Variants in PTPRN2 observed in about 807,000 individuals in gnomAD.
PTPRN2 encodes protein tyrosine phosphatase receptor type N2.
Under a neutral mutation model 118.8 loss-of-function variants are expected in PTPRN2, and 74 were observed. The ratio of observed to expected loss-of-function variants is 0.62; its 90% CI spans 0.52 to 0.76. PTPRN2 has a LOEUF of 0.76. Among genes scored for constraint, PTPRN2 ranks in the 30% least tolerant of loss-of-function variants. The pLI is 0.00. For synonymous variants in PTPRN2, 641 were observed against 608.0 expected, an observed-to-expected ratio of 1.05 and a Z score of -0.80; for missense variants, 1,481 against 1,394.4, an observed-to-expected ratio of 1.06 and a Z score of -0.99.
At chr7:158,151,079 CCCTG>C (rs138985251) in intron 6 of PTPRN2, among the ~76,000 whole-genome samples, 27,608 of 52,042 alleles carry the variant, frequency 0.53, 9,369 homozygotes, top group East Asian at 0.71. Context: ...CCACTCTTGC[CCCTG>C]CCTGCCCAAA....
intron 11 of PTPRN2, among the ~76,000 whole-genome samples, chr7:157,930,148 G>A (rs868021516): frequency 6.6e-6 from 1 of 152,160 alleles, no homozygotes; most frequent in South Asian, 2.1e-4. Context: ...GAGATAGCAC[G>A]AGGCCCACAG....
At chr7:157,876,365 C>T (rs971684360) in intron 12 of PTPRN2, among the ~76,000 whole-genome samples, 11 of 152,304 alleles carry the variant, frequency 7.2e-5, no homozygotes, top group Middle Eastern at 3.4e-3. Context: ...TAACCAGCAG[C>T]GGCCCCAGGA....
intron 17 of PTPRN2, among the ~76,000 whole-genome samples, chr7:157,578,870 G>C (rs1800199215): frequency 6.6e-6 from 1 of 152,170 alleles, no homozygotes; most frequent in Non-Finnish European, 1.5e-5. Context: ...AATCCTGTGG[G>C]GCACACTGAT....
chr7:158,262,485 ACACACATACATGCACACACACTG>A lies in PTPRN2; in HGVS notation c.277+54311_277+54333del, dbSNP rs1389785432. 3.8e-5 allele frequency among the ~76,000 whole-genome samples: 5 copies of A among 131,270 alleles called. No individual in the cohort carries two copies. The South Asian group carries it at 1.1e-3, about 29-fold the overall frequency. 86.1% of individuals were successfully genotyped at this position (131,270 alleles called of 152,430 possible). A position where few individuals can be genotyped will look rare whatever the true frequency, so the allele number is the denominator to read the frequency against. Reference sequence around the variant, plus strand: ...CACACACTGCAAACATTCACGCTGCACACACATACATGCACACACACTGCACACACATTCACACACTGCACACA... The same window carrying A: ...CACACACTGCAAACATTCACGCTGCACACACACATTCACACACTGCACACA... On this transcript the variant is annotated intron_variant, in intron 3 of 22. Coordinates refer to ENST00000389418, the MANE Select transcript of PTPRN2 (RefSeq NM_002847.5).
Position 157,571,457 on chromosome 7 carries a change from T to C in PTPRN2, c.2820A>G (p.Pro940=), listed in dbSNP as rs755222653. ...GTACTTGCCTGCAATGAACAATTAT[T>C]GGACAAGAACGGCCCCTGTAGCACT... is the stretch of plus-strand genomic sequence containing the variant. ...VNKCYRGRSC[P]IIVHCSDGAG... Residue 940 remains proline, a synonymous_variant, in exon 20 of 23, where the codon CCA becomes CCG. Transcript: ENST00000389418. 3.1e-6 allele frequency: 5 copies of C among 1,610,164 alleles called. No homozygotes were observed. In the East Asian group the frequency reaches 6.7e-5, roughly 22 times the overall value.
chr7:158,338,597 G>C (rs1586363891), intron 2 of PTPRN2, among the ~76,000 whole-genome samples: 1 of 103,742 alleles, frequency 9.6e-6, no homozygotes, highest in Non-Finnish European at 1.9e-5. Context: ...CTCACCATAA[G>C]AGCTGAGGCC....
At chr7:157,701,968 C>T (rs976096500) in intron 12 of PTPRN2, among the ~76,000 whole-genome samples, 3 of 138,470 alleles carry the variant, frequency 2.2e-5, no homozygotes, top group South Asian at 2.4e-4. Context: ...GTAACTGACG[C>T]GGGCTGTGGG....
chr7:157,937,556 C>T (rs1169301493), intron 11 of PTPRN2, among the ~76,000 whole-genome samples: 1 of 152,194 alleles, frequency 6.6e-6, no homozygotes, highest in East Asian at 1.9e-4. Context: ...CTCACAATAG[C>T]GCTCCCGAGT....
chr7:158,015,091 G>A lies in PTPRN2; in HGVS notation c.1723+66207C>T, dbSNP rs2128871689. ...CTTGCAAATCCCTCAGATAAAAGTG[G>A]GTTGCTGAAATGAGAGGCTCAGATA... On this transcript the variant is annotated intron_variant, in intron 11 of 22. Transcript: ENST00000389418. This position sits in a 1 kb window ranked among gnomAD's most constrained non-coding sequence, Gnocchi z 4.2. Among the ~76,000 whole-genome samples the A allele has an allele frequency of 6.6e-6, 1 of 152,234 alleles. No individual in the cohort carries two copies. Among genetic ancestry groups the A allele is most frequent in the South Asian group, 2.1e-4 (1 of 4,814 alleles).
chr7:157,736,745 G>A (rs980618714), intron 12 of PTPRN2, among the ~76,000 whole-genome samples: 2 of 152,178 alleles, frequency 1.3e-5, no homozygotes, highest in African/African-American at 2.4e-5. Context: ...CCCTGGCCAC[G>A]GAGTCTCGTG....
At chr7:157,989,127 G>T (rs369393402) in intron 11 of PTPRN2, among the ~76,000 whole-genome samples, 1 of 152,224 alleles carries the variant, frequency 6.6e-6, no homozygotes, top group African/African-American at 2.4e-5. Context: ...TCGAAAGACC[G>T]TGGTTTTTGG....
intron 11 of PTPRN2, among the ~76,000 whole-genome samples, chr7:157,916,217 C>G (rs773229517): frequency 1.3e-5 from 2 of 152,254 alleles, no homozygotes; most frequent in Non-Finnish European, 2.9e-5. Flanking sequence ...CCAGTCCACG[C>G]TTTCCCCAGG....
In PTPRN2 at chr7:158,570,031, C is replaced by T. The variant is rs1012156703; in HGVS notation, c.112+17527G>A. 7.9e-5 allele frequency among the ~76,000 whole-genome samples: 12 copies of T among 152,318 alleles called. No homozygotes were observed. The highest frequency in any genetic ancestry group is 1.6e-4 in the Non-Finnish European group (11 of 68,018). Reference sequence around the variant, plus strand: ...ACGCGCCAAGGCCGCCAGGCCTTTCCTCCCTCGCGTTCCCTCAGGCGCGTC... The same window carrying T: ...ACGCGCCAAGGCCGCCAGGCCTTTCTTCCCTCGCGTTCCCTCAGGCGCGTC... On this transcript the variant is annotated intron_variant, in intron 1 of 22. Coordinates refer to ENST00000389418, the MANE Select transcript of PTPRN2 (RefSeq NM_002847.5). The surrounding 1 kb of genome is among the most constrained non-coding windows in gnomAD (Gnocchi z 4.5).
At chr7:157,875,623 A>G (rs945958565) in intron 12 of PTPRN2, among the ~76,000 whole-genome samples, 9 of 152,186 alleles carry the variant, frequency 5.9e-5, no homozygotes, top group African/African-American at 9.6e-5. Context: ...TTGTGGGGCC[A>G]TGGCCTGTGC....
intron 4 of PTPRN2, among the ~76,000 whole-genome samples, chr7:158,197,285 G>A (rs933334267): frequency 2.6e-5 from 4 of 152,120 alleles, no homozygotes; most frequent in Admixed American, 6.5e-5. Context: ...ATCCAAACAT[G>A]ACCATCTGGT....
intron 12 of PTPRN2, among the ~76,000 whole-genome samples, chr7:157,897,378 C>G (rs1444703590): frequency 6.6e-6 from 1 of 152,170 alleles, no homozygotes; most frequent in Non-Finnish European, 1.5e-5. Context: ...GCAGGTGGCT[C>G]TCGGCAGCCC....
intron 3 of PTPRN2, among the ~76,000 whole-genome samples, chr7:158,216,731 A>T (rs528885735): frequency 2.0e-5 from 3 of 152,190 alleles, no homozygotes; most frequent in Non-Finnish European, 4.4e-5. Context: ...AAAAGAACTC[A>T]ACAATACCAT....
In PTPRN2 at chr7:158,385,716, A is replaced by T. The variant is rs75031584; in HGVS notation, c.164-68784T>A. Among the ~76,000 whole-genome samples the T allele has an allele frequency of 5.6e-3, 859 of 152,302 alleles. 12 individuals are homozygous for T. The highest frequency in any genetic ancestry group is 0.02 in the African/African-American group (816 of 41,544). On this transcript the variant is annotated intron_variant, in intron 2 of 22. Transcript: ENST00000389418. ...AGGCCTGCTACTGATGAGCTACGTG[A>T]TACCAGAAAACGGTTTCAAGTCCGT...
intron 2 of PTPRN2, among the ~76,000 whole-genome samples, chr7:158,476,204 CAT>C (rs1176639385): frequency 1.4e-4 from 22 of 152,318 alleles, no homozygotes; most frequent in African/African-American, 5.1e-4. Context: ...GGGGTTTCAC[CAT>C]GTTGCCAGGC....
Sources: gnomAD v4.1 joint callset for allele counts (sites outside exome capture counted in the v4.1 genomes callset) on GRCh38, gnomAD v4.1.1 for gene constraint, Gnocchi (gnomAD v3.1) non-coding constraint, MANE v1.5 for transcripts, NCBI Gene and HGNC (gene_info 2026-07-23, HGNC 2026-07-21) for gene names.